Variants in MME observed in about 807,000 individuals in gnomAD.
MME encodes the protein membrane metalloendopeptidase.
MME carries 98 observed loss-of-function variants against 113.2 expected under a neutral mutation model. The ratio of observed to expected loss-of-function variants is 0.87; its 90% CI spans 0.74 to 1.02. The LOEUF is 1.02. Among genes scored for constraint, MME ranks in the 50% least tolerant of loss-of-function variants. The pLI, the probability that MME is intolerant of heterozygous loss-of-function variation, is 0.00. For missense variants in MME, 836 were observed against 896.0 expected (o/e 0.93, Z 0.86); for synonymous variants, 292 against 300.6 (o/e 0.97, Z 0.30).
At position 155,125,342 on chromosome 3, in the gene MME, G is replaced by A. The variant is rs933040969; in HGVS notation, c.720+6531G>A. On this transcript the variant is annotated intron_variant, in intron 8 of 22. Coordinates refer to ENST00000360490, the MANE Select transcript of MME (RefSeq NM_007289.4). The stretch of plus-strand genomic sequence containing the variant: ...TGGGACTCCCTAGTGAGATGAACCC[G>A]GTACCTCAGATGGAAATGCGGAAAT... Among the ~76,000 whole-genome samples, 25 of 144,306 alleles carry A rather than the reference G, an allele frequency of 1.7e-4. 1 individual carries two copies. Among genetic ancestry groups the A allele is most frequent in the African/African-American group, 9.9e-5 (4 of 40,530 alleles). 94.7% of individuals were successfully genotyped at this position (144,306 alleles called of 152,430 possible). A position where few individuals can be genotyped will look rare whatever the true frequency, so the allele number is the denominator to read the frequency against.
chr3:155,042,916 A>ATATATATATATATATATATATG (rs1713391149), intron 1 of MME, among the ~76,000 whole-genome samples: 5 of 47,038 alleles, frequency 1.1e-4, no homozygotes, highest in Admixed American at 5.5e-4. Flanking sequence ...ATATATATAT[A>ATATATATATATATATATATATG]TATATATATA....
chr3:155,083,975 G>T, intron 1 of MME, 183 bp from the exon 2 acceptor site: 1 of 589,620 alleles, frequency 1.7e-6, no homozygotes, highest in Non-Finnish European at 3.0e-6. Flanking sequence ...ACTGAGACCT[G>T]TCAAATTCAT....
chr3:155,059,144 A>G (rs1714046460), intron 1 of MME, among the ~76,000 whole-genome samples: 1 of 150,660 alleles, frequency 6.6e-6, no homozygotes, highest in South Asian at 2.1e-4. Context: ...AATCCCAGCT[A>G]TTCAAGGGGC....
At chr3:155,173,934 G>C (rs13073702) in intron 22 of MME, among the ~76,000 whole-genome samples, 1 of 151,936 alleles carries the variant, frequency 6.6e-6, no homozygotes, top group East Asian at 1.9e-4. Flanking sequence ...GTAAAATAAG[G>C]ATTAAATTAT....
intron 1 of MME, among the ~76,000 whole-genome samples, chr3:155,082,740 T>C (rs1345013098): frequency 6.6e-6 from 1 of 152,224 alleles, no homozygotes; most frequent in Non-Finnish European, 1.5e-5. Context: ...TATCCAGAAC[T>C]TTAAGGTCTA....
At chr3:155,117,100 C>G in intron 7 of MME, 114 bp downstream of exon 7, 3 of 732,962 alleles carry the variant, frequency 4.1e-6, no homozygotes, top group Non-Finnish European at 7.4e-6. Context: ...ATTGAATAAG[C>G]AAGGAGGTAG....
At chr3:155,126,771 G>A (rs142873818) in intron 8 of MME, among the ~76,000 whole-genome samples, 27 of 152,042 alleles carry the variant, frequency 1.8e-4, no homozygotes, top group East Asian at 9.7e-4. Flanking sequence ...AGGCCAAGGC[G>A]GGTGGATCAC....
intron 1 of MME, among the ~76,000 whole-genome samples, chr3:155,048,904 G>A (rs895006599): frequency 1.3e-5 from 2 of 151,818 alleles, no homozygotes; most frequent in Non-Finnish European, 2.9e-5. Context: ...TTTAATCTCT[G>A]TCCCTTTCAT....
chr3:155,118,028 G>A (rs778938600), intron 7 of MME, among the ~76,000 whole-genome samples: 1 of 152,114 alleles, frequency 6.6e-6, no homozygotes, highest in Non-Finnish European at 1.5e-5. Context: ...GCTCCCACTT[G>A]GGTATTAAAC....
chr3:155,031,546 A>G (rs888288274), intron 1 of MME, among the ~76,000 whole-genome samples: 6 of 152,342 alleles, frequency 3.9e-5, no homozygotes, highest in African/African-American at 1.4e-4. Flanking sequence ...ATCTCTTGTA[A>G]AGAAATGACT....
At chr3:155,128,627 C>T (rs1019360014) in intron 8 of MME, among the ~76,000 whole-genome samples, 1 of 152,134 alleles carries the variant, frequency 6.6e-6, no homozygotes, top group African/African-American at 2.4e-5. Context: ...ACACTCTTTC[C>T]TCTAATATAG....
intron 3 of MME, among the ~76,000 whole-genome samples, chr3:155,094,968 C>A (rs1420953756): frequency 3.3e-5 from 5 of 152,228 alleles, no homozygotes; most frequent in African/African-American, 1.2e-4. Flanking sequence ...CAGTCTCGGG[C>A]TCCGCCTCAG....
intron 8 of MME, among the ~76,000 whole-genome samples, chr3:155,126,378 A>T (rs1314825667): frequency 6.6e-6 from 1 of 151,310 alleles, no homozygotes; most frequent in Non-Finnish European, 1.5e-5. Context: ...TATACCTGGC[A>T]GTCGATGTAT....
chr3:155,135,768 A>G (rs928659112), intron 8 of MME, among the ~76,000 whole-genome samples: 4 of 152,322 alleles, frequency 2.6e-5, no homozygotes, highest in African/African-American at 9.6e-5. Context: ...GTCCATAAGC[A>G]TGAAATATTT....
At chr3:155,140,723 G>A (rs113714077) in intron 10 of MME, among the ~76,000 whole-genome samples, 205 of 152,100 alleles carry the variant, frequency 1.3e-3, no homozygotes, top group African/African-American at 4.7e-3. Context: ...TTCCTTTTAA[G>A]GCAGCTATAC....
At chr3:155,063,666 TTA>T (rs1231924211) in intron 1 of MME, among the ~76,000 whole-genome samples, 2 of 113,126 alleles carry the variant, frequency 1.8e-5, no homozygotes, top group Non-Finnish European at 3.4e-5. Context: ...ATATAACATA[TTA>T]TATATTATAT....
chr3:155,169,781 A>T (rs1167955408), intron 20 of MME, among the ~76,000 whole-genome samples: 1 of 152,172 alleles, frequency 6.6e-6, no homozygotes, highest in Non-Finnish European at 1.5e-5. Flanking sequence ...TCATTTGTTC[A>T]TTATAGAAAT....
At chr3:155,033,408 C>T (rs1180407801) in intron 1 of MME, among the ~76,000 whole-genome samples, 2 of 152,040 alleles carry the variant, frequency 1.3e-5, no homozygotes, top group African/African-American at 4.8e-5. Flanking sequence ...TCTTTATTTG[C>T]AAGTTATATG....
intron 3 of MME, among the ~76,000 whole-genome samples, chr3:155,110,900 G>C (rs945615458): frequency 2.0e-4 from 30 of 151,966 alleles, no homozygotes; most frequent in African/African-American, 6.5e-4. Flanking sequence ...TACAATATCT[G>C]GTCAACAACA....
Sources: allele counts gnomAD v4.1 joint callset (sites outside exome capture counted in the v4.1 genomes callset), GRCh38; gene constraint gnomAD v4.1.1; transcripts MANE v1.5; gene names NCBI Gene and HGNC (gene_info 2026-07-23, HGNC 2026-07-21).